CCDC7: variants seen among roughly 807,000 people sequenced by gnomAD.
The protein encoded by CCDC7 is coiled-coil domain containing 7.
A neutral mutation model predicts 196.9 loss-of-function variants in CCDC7; 183 were observed. That is an observed-to-expected ratio of 0.93 (90% confidence interval 0.82 to 1.05). CCDC7 has a LOEUF of 1.05. Ranked by LOEUF, CCDC7 falls within the 50% of genes least tolerant of loss-of-function variation. The pLI, the probability that CCDC7 is intolerant of heterozygous loss-of-function variation, is 0.00. For missense variants in CCDC7, 1,540 were observed against 1,482.2 expected, an observed-to-expected ratio of 1.04 and a Z score of -0.64; for synonymous variants, 525 against 484.6, an observed-to-expected ratio of 1.08 and a Z score of -1.10.
At chr10:32,446,947 C>CTT (rs1369243661), upstream of CCDC7, among the ~76,000 whole-genome samples, 1 of 16,212 alleles carries the variant, frequency 6.2e-5, no homozygotes, top group Non-Finnish European at 9.3e-5. Flanking sequence ...TCTTCCCTTC[C>CTT]TCCCTCCCTC....
intron 29 of CCDC7, among the ~76,000 whole-genome samples, chr10:32,780,684 A>G (rs942251951): frequency 6.6e-6 from 1 of 152,200 alleles, no homozygotes; most frequent in Non-Finnish European, 1.5e-5. Context: ...CAAAAAGTCA[A>G]CTAAACACAA....
intron 31 of CCDC7, among the ~76,000 whole-genome samples, chr10:32,815,359 T>C (rs2088196274): frequency 6.6e-6 from 1 of 152,082 alleles, no homozygotes; most frequent in African/African-American, 2.4e-5. Flanking sequence ...AAAAAGAAGG[T>C]ACAATAACAA....
exon 22 of CCDC7, chr10:32,685,989 TGAA>T: frequency 6.3e-7 from 1 of 1,575,436 alleles, no homozygotes; most frequent in Non-Finnish European, 8.6e-7. Context: ...AAGTACCAAA[TGAA>T]AGGCTTGTAG....
chr10:32,660,069 C>G (rs11009020), intron 20 of CCDC7, among the ~76,000 whole-genome samples: 16,076 of 152,018 alleles, frequency 0.11, 1,045 homozygotes, highest in South Asian at 0.25. Flanking sequence ...TGAGTGGGTA[C>G]CTAAGGTACA....
At chr10:32,579,576 G>C (rs2058550643) in intron 16 of CCDC7, among the ~76,000 whole-genome samples, 1 of 152,120 alleles carries the variant, frequency 6.6e-6, no homozygotes, top group Non-Finnish European at 1.5e-5. Flanking sequence ...CTCACTAGGA[G>C]AGCTCACAGC....
chr10:32,666,661 A>G (rs990916459), intron 21 of CCDC7, among the ~76,000 whole-genome samples: 1 of 152,068 alleles, frequency 6.6e-6, no homozygotes. Context: ...TTTGCTGAGA[A>G]TGATGGTTTC....
At position 32,537,036 on chromosome 10, in the gene CCDC7, C is replaced by T. The variant is rs1329403776; in HGVS notation, c.994-6264C>T. Among the ~76,000 whole-genome samples the T allele has an allele frequency of 2.0e-5, 3 of 152,094 alleles. No homozygotes were observed. The East Asian group carries it at 5.8e-4, about 29-fold the overall frequency. ...ATACCCAACAATGAGATTGCTGGGTCAAATAGTTATTCTTTTTTAAGTTCT... is the reference window on the plus strand; with the variant it reads ...ATACCCAACAATGAGATTGCTGGGTTAAATAGTTATTCTTTTTTAAGTTCT... On this transcript the variant is annotated intron_variant, in intron 11 of 41. Coordinates refer to ENST00000639629, the Ensembl canonical transcript of CCDC7.
At chr10:32,820,650 G>A (rs978357597) in intron 31 of CCDC7, among the ~76,000 whole-genome samples, 1 of 152,102 alleles carries the variant, frequency 6.6e-6, no homozygotes. Flanking sequence ...ATAGCCCTCA[G>A]AAATAATGCT....
exon 19 of CCDC7, chr10:32,634,280 C>G: frequency 8.2e-7 from 1 of 1,216,200 alleles, no homozygotes; most frequent in Non-Finnish European, 1.0e-6. Flanking sequence ...AGATGAAAAT[C>G]TTATGGTTGA....
chr10:32,684,070 G>A (rs534722565), intron 21 of CCDC7, among the ~76,000 whole-genome samples: 63 of 152,266 alleles, frequency 4.1e-4, no homozygotes, highest in African/African-American at 1.5e-3. Flanking sequence ...CAGAGCTGCA[G>A]CCAGCCCAAG....
intron 11 of CCDC7, among the ~76,000 whole-genome samples, chr10:32,527,282 C>G (rs1209308503): frequency 6.6e-6 from 1 of 152,206 alleles, no homozygotes; most frequent in Non-Finnish European, 1.5e-5. Context: ...GGCTGCTGCA[C>G]TGTGATAGCG....
intron 24 of CCDC7, among the ~76,000 whole-genome samples, chr10:32,701,873 T>G (rs7910511): frequency 0.48 from 73,070 of 151,950 alleles, 21,460 homozygotes; most frequent in Non-Finnish European, 0.66. Flanking sequence ...ATCCCCTTTA[T>G]CATTTTTTAT....
intron 23 of CCDC7, among the ~76,000 whole-genome samples, chr10:32,693,311 C>G (rs1313690761): frequency 6.6e-6 from 1 of 152,148 alleles, no homozygotes; most frequent in African/African-American, 2.4e-5. Flanking sequence ...TCCTCTCCCT[C>G]ATTTTGTAGG....
chr10:32,533,221 C>A (rs990314990), intron 11 of CCDC7, among the ~76,000 whole-genome samples: 8 of 138,990 alleles, frequency 5.8e-5, no homozygotes, highest in African/African-American at 2.1e-4. Context: ...TCTTTAATCC[C>A]AAATAAAAGA....
intron 28 of CCDC7, among the ~76,000 whole-genome samples, chr10:32,758,978 G>T (rs2133775694): frequency 6.6e-6 from 1 of 152,250 alleles, no homozygotes; most frequent in East Asian, 1.9e-4. Context: ...AATCATGAGT[G>T]AACTCCCATT....
intron 25 of CCDC7, among the ~76,000 whole-genome samples, chr10:32,712,874 C>T (rs948049887): frequency 1.3e-5 from 2 of 152,176 alleles, no homozygotes; most frequent in Non-Finnish European, 2.9e-5. Flanking sequence ...AGGTCTTTCA[C>T]ATAGGCCAGA....
At chr10:32,605,451 A>G (rs1172511667) in intron 18 of CCDC7, among the ~76,000 whole-genome samples, 1 of 152,194 alleles carries the variant, frequency 6.6e-6, no homozygotes, top group Non-Finnish European at 1.5e-5. Flanking sequence ...TCCGAAGAAG[A>G]ACAAGAGGAT....
intron 28 of CCDC7, among the ~76,000 whole-genome samples, chr10:32,755,796 T>C (rs574580481): frequency 1.1e-3 from 167 of 152,108 alleles, no homozygotes; most frequent in Non-Finnish European, 2.0e-3. Context: ...CGATCAGTAA[T>C]AACAAATTTC....
intron 32 of CCDC7, among the ~76,000 whole-genome samples, chr10:32,831,498 TATA>T (rs995713925): frequency 9.2e-5 from 14 of 152,322 alleles, no homozygotes; most frequent in South Asian, 2.1e-4. Flanking sequence ...TTTGGACTCT[TATA>T]ATAACATTTA....
Sources: gnomAD v4.1 joint callset for allele counts (sites outside exome capture counted in the v4.1 genomes callset) on GRCh38, gnomAD v4.1.1 for gene constraint, MANE v1.5 for transcripts, NCBI Gene and HGNC (gene_info 2026-07-23, HGNC 2026-07-21) for gene names.